GABRA4: variants seen among roughly 807,000 people sequenced by gnomAD.
GABRA4 encodes gamma-aminobutyric acid type A receptor subunit alpha4.
In GABRA4, 12 loss-of-function variants were observed where a neutral mutation model predicts 49.7. The observed-to-expected ratio is 0.24, with a 90% CI of 0.15 to 0.39. The LOEUF (loss-of-function observed/expected upper bound fraction) is 0.39. Ranked by LOEUF, GABRA4 falls within the 10% of genes least tolerant of loss-of-function variation. The pLI, the probability that GABRA4 is intolerant of heterozygous loss-of-function variation, is 1.00. For synonymous variants in GABRA4, 288 were observed against 240.2 expected, an observed-to-expected ratio of 1.20 and a Z score of -1.84; for missense variants, 506 against 686.0, an observed-to-expected ratio of 0.74 and a Z score of 2.93.
chr4:46,966,338 A>C lies in GABRA4; in HGVS notation c.875-1109T>G, dbSNP rs151141846. 1.6e-4 allele frequency among the ~76,000 whole-genome samples: 25 copies of C among 151,844 alleles called. No individual in the cohort carries two copies. In the East Asian group the frequency reaches 4.3e-3, roughly 26 times the overall value. ...GATGTTGAAGGCATTTAAACTGCATATTGTAATCCATGCCAATCCCCAGCT... is the reference window on the plus strand; with the variant it reads ...GATGTTGAAGGCATTTAAACTGCATCTTGTAATCCATGCCAATCCCCAGCT... On this transcript the variant is annotated intron_variant, in intron 7 of 8. Coordinates refer to ENST00000264318, the MANE Select transcript of GABRA4 (RefSeq NM_000809.4).
chr4:46,932,945 A>G (rs929011263), intron 8 of GABRA4, among the ~76,000 whole-genome samples: 3 of 152,128 alleles, frequency 2.0e-5, no homozygotes, highest in African/African-American at 7.2e-5. Context: ...GATATCTACT[A>G]TTGGATAAGT....
intron 2 of GABRA4, among the ~76,000 whole-genome samples, chr4:46,981,519 C>T (rs1192990691): frequency 1.3e-5 from 2 of 152,002 alleles, no homozygotes; most frequent in Non-Finnish European, 2.9e-5. Context: ...TCCTAAAAAA[C>T]ATTTGATTGT....
At chr4:46,980,708 T>C (rs898635744) in intron 2 of GABRA4, among the ~76,000 whole-genome samples, 2 of 152,054 alleles carry the variant, frequency 1.3e-5, no homozygotes, top group African/African-American at 4.8e-5. Flanking sequence ...CAAAACATGA[T>C]AGTAATAAGC....
At chr4:46,982,450 G>A (rs931259135) in intron 2 of GABRA4, among the ~76,000 whole-genome samples, 1 of 151,938 alleles carries the variant, frequency 6.6e-6, no homozygotes. Context: ...AAGCCAAGGA[G>A]AGAGGACTTA....
intron 5 of GABRA4, 139 bp from the exon 6 acceptor site, chr4:46,974,514 T>TA: frequency 1.3e-6 from 1 of 777,446 alleles, no homozygotes; most frequent in Non-Finnish European, 1.9e-6. Flanking sequence ...TCACTATAAT[T>TA]TAGTTCACTA....
chr4:46,945,157 T>C (rs1721940952), intron 8 of GABRA4, among the ~76,000 whole-genome samples: 1 of 152,182 alleles, frequency 6.6e-6, no homozygotes, highest in African/African-American at 2.4e-5. Context: ...ACCCAGATTA[T>C]ACTTCCTGGG....
At chr4:46,964,689 T>C (rs1722691238) in intron 8 of GABRA4, among the ~76,000 whole-genome samples, 1 of 151,788 alleles carries the variant, frequency 6.6e-6, no homozygotes, top group African/African-American at 2.4e-5. Flanking sequence ...ATAGTATACA[T>C]GGGATTTTGC....
rs371474466 is a variant in GABRA4, at chr4:46,920,354, C to T, written c.*7871G>A. The T allele has an allele frequency of 6.6e-6, 1 of 151,352 alleles. No homozygotes were observed. The highest frequency in any genetic ancestry group is 6.6e-5 in the Admixed American group (1 of 15,190). 9.4% of individuals were successfully genotyped at this position (151,352 alleles called of 1,614,324 possible). A position where few individuals can be genotyped will look rare whatever the true frequency, so the allele number is the denominator to read the frequency against. The stretch of plus-strand genomic sequence containing the variant: ...ACTTTGTTCAGGTATTTGCCAGTCT[C>T]CTTTAATGGATACTATAGTAATAAT... On this transcript the variant is annotated 3_prime_UTR_variant, in exon 9 of 9. Coordinates refer to ENST00000264318, the MANE Select transcript of GABRA4 (RefSeq NM_000809.4).
In GABRA4 at chr4:46,943,494, G is replaced by A. The variant is rs182217493; in HGVS notation, c.1135-14739C>T. Among the ~76,000 whole-genome samples the A allele has an allele frequency of 2.0e-3, 308 of 152,178 alleles. 5 individuals are homozygous for A. Among genetic ancestry groups the A allele is most frequent in the African/African-American group, 7.1e-3 (295 of 41,516 alleles). ...AAAATAATATTTACACACTATAAAT[G>A]TGATCATGTCAATTTCTTATTAAAA... On this transcript the variant is annotated intron_variant, in intron 8 of 8. Transcript: ENST00000264318.
chr4:46,949,613 G>A (rs933917363), intron 8 of GABRA4, among the ~76,000 whole-genome samples: 1 of 152,010 alleles, frequency 6.6e-6, no homozygotes, highest in African/African-American at 2.4e-5. Context: ...TTGAAAAAAT[G>A]TTTTAAACTT....
chr4:46,964,234 G>A (rs1722675036), intron 8 of GABRA4, among the ~76,000 whole-genome samples: 1 of 151,776 alleles, frequency 6.6e-6, no homozygotes, highest in African/African-American at 2.4e-5. Flanking sequence ...CATGAACATA[G>A]AGGGTAAAAT....
chr4:46,971,028 A>G (rs1722933487), intron 7 of GABRA4, 55 bp downstream of exon 7: 1 of 1,516,342 alleles, frequency 6.6e-7, no homozygotes, highest in Non-Finnish European at 9.0e-7. Flanking sequence ...TATCCCATGA[A>G]TCATGAATAA....
At chr4:46,937,058 C>T (rs1158013463) in intron 8 of GABRA4, among the ~76,000 whole-genome samples, 2 of 152,146 alleles carry the variant, frequency 1.3e-5, no homozygotes, top group Non-Finnish European at 2.9e-5. Context: ...GGAGACAAGA[C>T]CTTTAAGGAG....
At chr4:46,989,767 C>A (rs1172058458) in intron 2 of GABRA4, among the ~76,000 whole-genome samples, 1 of 152,142 alleles carries the variant, frequency 6.6e-6, no homozygotes, top group Non-Finnish European at 1.5e-5. Flanking sequence ...AAATGCCCCA[C>A]GAAGAGCAGA....
intron 7 of GABRA4, among the ~76,000 whole-genome samples, chr4:46,967,313 T>C (rs977211738): frequency 6.6e-6 from 1 of 151,442 alleles, no homozygotes; most frequent in Admixed American, 6.6e-5. Flanking sequence ...GATACCCAAA[T>C]TCAAATACAA....
intron 8 of GABRA4, among the ~76,000 whole-genome samples, chr4:46,940,212 A>T (rs34025383): frequency 6.6e-6 from 1 of 152,056 alleles, no homozygotes; most frequent in Non-Finnish European, 1.5e-5. Flanking sequence ...TGGATATAGC[A>T]CTTTAAAAAG....
chr4:46,971,046 T>G, intron 7 of GABRA4, 37 bp downstream of exon 7: 1 of 1,584,016 alleles, frequency 6.3e-7, no homozygotes, highest in Non-Finnish European at 8.6e-7. Flanking sequence ...TAAAATGTAA[T>G]GTGAACAAAA....
In GABRA4 at chr4:46,926,757, G is replaced by A. The variant is rs1035886463; in HGVS notation, c.*1468C>T. 4 of 151,820 alleles carry A rather than the reference G, an allele frequency of 2.6e-5. No individual in the cohort carries two copies. Among genetic ancestry groups the A allele is most frequent in the Admixed American group, 6.6e-5 (1 of 15,202 alleles). 9.4% of individuals were successfully genotyped at this position (151,820 alleles called of 1,614,324 possible). A position where few individuals can be genotyped will look rare whatever the true frequency, so the allele number is the denominator to read the frequency against. Reference sequence around the variant, plus strand: ...CTTAGATTCAGCTGCATAGACAGTTGCAAAATTCTCAAGTAAGTTGTTAAG... The same window carrying A: ...CTTAGATTCAGCTGCATAGACAGTTACAAAATTCTCAAGTAAGTTGTTAAG... On this transcript the variant is annotated 3_prime_UTR_variant, in exon 9 of 9. Transcript: ENST00000264318.
chr4:46,989,342 G>A (rs946514376), intron 2 of GABRA4, among the ~76,000 whole-genome samples: 1 of 152,182 alleles, frequency 6.6e-6, no homozygotes, highest in Admixed American at 6.5e-5. Flanking sequence ...TTTGTGGAAG[G>A]CTTCACTTGT....
Sources: gnomAD v4.1 joint callset for allele counts (sites outside exome capture counted in the v4.1 genomes callset) on GRCh38, gnomAD v4.1.1 for gene constraint, MANE v1.5 for transcripts, NCBI Gene and HGNC (gene_info 2026-07-23, HGNC 2026-07-21) for gene names.